The following PPP1R1C variants were observed in gnomAD, a reference collection of about 807,000 sequenced individuals.
The protein encoded by PPP1R1C is protein phosphatase 1 regulatory subunit 1C.
Under a neutral mutation model 17.4 loss-of-function variants are expected in PPP1R1C, and 15 were observed. That is an observed-to-expected ratio of 0.86 (90% CI 0.58 to 1.33). The LOEUF is 1.33. PPP1R1C is among the 40% of genes most tolerant of loss of function. The probability of loss-of-function intolerance (pLI) is 0.00; values close to 1 mark genes in which losing one functional copy is unlikely to be tolerated. For missense variants in PPP1R1C, 143 were observed against 130.0 expected (o/e 1.10, Z -0.48); for synonymous variants, 35 against 43.1 (o/e 0.81, Z 0.73).
At chr2:182,101,494 A>G (rs2125227874) in intron 4 of PPP1R1C, among the ~76,000 whole-genome samples, 1 of 152,280 alleles carries the variant, frequency 6.6e-6, no homozygotes, top group Middle Eastern at 3.4e-3. Flanking sequence ...ATGGTTGGGT[A>G]GATAAAGCAT....
chr2:182,024,780 A>C (rs1050933169), intron 2 of PPP1R1C, among the ~76,000 whole-genome samples: 6 of 151,934 alleles, frequency 3.9e-5, no homozygotes, highest in African/African-American at 1.5e-4. Context: ...GCTTGAACCC[A>C]GGAGGCAGAG....
chr2:182,073,426 C>A (rs145808458), intron 4 of PPP1R1C, among the ~76,000 whole-genome samples: 125 of 152,298 alleles, frequency 8.2e-4, no homozygotes, highest in African/African-American at 2.9e-3. Context: ...ATTATAAATT[C>A]ATTCACTGAC....
chr2:181,990,148 C>CT (rs71008204), intron 2 of PPP1R1C, among the ~76,000 whole-genome samples: 57,327 of 148,488 alleles, frequency 0.39, 11,991 homozygotes, highest in East Asian at 0.7. Flanking sequence ...TCTTTTCTTT[C>CT]TTTTTTTTTT....
chr2:182,041,932 T>C (rs1326798046), intron 2 of PPP1R1C, among the ~76,000 whole-genome samples: 1 of 152,214 alleles, frequency 6.6e-6, no homozygotes, highest in Non-Finnish European at 1.5e-5. Flanking sequence ...TTTGATCTAA[T>C]ATGTGGTTAT....
intron 2 of PPP1R1C, among the ~76,000 whole-genome samples, chr2:182,044,775 G>A (rs1434408103): frequency 6.6e-6 from 1 of 152,132 alleles, no homozygotes; most frequent in Non-Finnish European, 1.5e-5. Flanking sequence ...ATAAATTATT[G>A]TTAAAATATT....
chr2:182,082,046 A>G (rs13420407), intron 4 of PPP1R1C, among the ~76,000 whole-genome samples: 34,474 of 152,042 alleles, frequency 0.23, 4,230 homozygotes, highest in African/African-American at 0.32. Context: ...AAAAGCTATT[A>G]CTTTGACAAA....
At chr2:181,969,172 T>A (rs935984125) in intron 1 of PPP1R1C, among the ~76,000 whole-genome samples, 5 of 152,186 alleles carry the variant, frequency 3.3e-5, no homozygotes, top group African/African-American at 1.2e-4. Flanking sequence ...TATTCTGTTT[T>A]TCTGTGTACT....
intron 2 of PPP1R1C, among the ~76,000 whole-genome samples, chr2:182,060,800 C>T (rs1381184446): frequency 2.6e-5 from 4 of 151,900 alleles, no homozygotes; most frequent in African/African-American, 7.3e-5. Flanking sequence ...ATGTAGGTGA[C>T]GAGGTAAAAA....
intron 2 of PPP1R1C, among the ~76,000 whole-genome samples, chr2:182,008,117 C>CT (rs1261551603): frequency 6.6e-6 from 1 of 151,192 alleles, no homozygotes; most frequent in African/African-American, 2.4e-5. Context: ...GAAATCAATA[C>CT]TTTTGCATAA....
At chr2:182,039,485 G>C (rs1232785307) in intron 2 of PPP1R1C, among the ~76,000 whole-genome samples, 1 of 152,090 alleles carries the variant, frequency 6.6e-6, no homozygotes, top group Non-Finnish European at 1.5e-5. Flanking sequence ...CCCCGACTCA[G>C]GTAATTCTCT....
intron 2 of PPP1R1C, among the ~76,000 whole-genome samples, chr2:182,039,015 A>C (rs1299686238): frequency 6.6e-6 from 1 of 152,226 alleles, no homozygotes; most frequent in African/African-American, 2.4e-5. Flanking sequence ...GACACACAGA[A>C]AGGATCCTTG....
At chr2:182,119,373 C>T (rs6733716), downstream of PPP1R1C, among the ~76,000 whole-genome samples, 49,172 of 151,808 alleles carry the variant, frequency 0.32, 9,196 homozygotes, top group Non-Finnish European at 0.41. Flanking sequence ...CATACGTGTG[C>T]GTGTGTCTTT....
At chr2:182,014,210 G>T (rs1462807010) in intron 2 of PPP1R1C, among the ~76,000 whole-genome samples, 2 of 152,156 alleles carry the variant, frequency 1.3e-5, no homozygotes, top group Non-Finnish European at 2.9e-5. Flanking sequence ...AAAGGGCATT[G>T]AGTGTTGTTA....
intron 2 of PPP1R1C, among the ~76,000 whole-genome samples, chr2:182,037,592 A>G (rs542995707): frequency 1.2e-4 from 18 of 152,252 alleles, no homozygotes; most frequent in Admixed American, 4.6e-4. Context: ...TCTCAAAAAA[A>G]AAAAAAATGT....
intron 4 of PPP1R1C, among the ~76,000 whole-genome samples, chr2:182,076,533 A>T (rs1428181448): frequency 6.7e-6 from 1 of 150,334 alleles, no homozygotes; most frequent in Non-Finnish European, 1.5e-5. Flanking sequence ...GGGAAAGAGC[A>T]TTGGATCTGT....
In PPP1R1C at chr2:181,962,215, A is replaced by G; in HGVS notation, n.111+7581A>G. ...TGTCCAGGTAGGAGGCCAGACGGTC[A>G]TTCAGGCTTTGCATTGTCTCCTTCT... On this transcript the variant is annotated intron_variant and non_coding_transcript_variant, in intron 1 of 5. Transcript: ENST00000464264. The surrounding 1 kb of genome is among the most constrained non-coding windows in gnomAD (Gnocchi z 6.0). 6 of 737,074 alleles carry G rather than the reference A, an allele frequency of 8.1e-6. No individual in the cohort carries two copies. Among genetic ancestry groups the G allele is most frequent in the East Asian group, 5.2e-5 (2 of 38,462 alleles). 45.7% of individuals were successfully genotyped at this position (737,074 alleles called of 1,614,324 possible). A position where few individuals can be genotyped will look rare whatever the true frequency, so the allele number is the denominator to read the frequency against.
In PPP1R1C at chr2:182,008,096, T is replaced by TA. The variant is rs10651800; in HGVS notation, c.142+20201dup. On this transcript the variant is annotated intron_variant, in intron 2 of 4. Transcript: ENST00000682840. ...AAAAACAAACAAATAAATAAAAAAA[T>TA]AAAATAAAATGAAATCAATACTTTT... Among the ~76,000 whole-genome samples the TA allele has an allele frequency of 1.8e-3, 269 of 150,694 alleles. 2 individuals carry two copies. Among genetic ancestry groups the TA allele is most frequent in the African/African-American group, 5.5e-3 (222 of 40,486 alleles).
At chr2:182,028,445 A>G (rs1277751563) in intron 2 of PPP1R1C, among the ~76,000 whole-genome samples, 2 of 151,902 alleles carry the variant, frequency 1.3e-5, no homozygotes, top group Non-Finnish European at 2.9e-5. Context: ...GAACATCTTT[A>G]TTTCTGCCTT....
chr2:182,019,675 T>C (rs1376728040), intron 2 of PPP1R1C, among the ~76,000 whole-genome samples: 1 of 152,176 alleles, frequency 6.6e-6, no homozygotes, highest in African/African-American at 2.4e-5. Context: ...ATGAGCCTGA[T>C]ACCATATAAC....
Sources: allele counts gnomAD v4.1 joint callset (sites outside exome capture counted in the v4.1 genomes callset), GRCh38; gene constraint gnomAD v4.1.1; non-coding constraint Gnocchi (gnomAD v3.1); transcripts MANE v1.5; gene names NCBI Gene and HGNC (gene_info 2026-07-23, HGNC 2026-07-21).